Variants in TRIM49C observed in about 807,000 individuals in gnomAD.
The protein encoded by TRIM49C is tripartite motif containing 49C.
In TRIM49C, 6 loss-of-function variants were observed where a neutral mutation model predicts 21.4. That is an observed-to-expected ratio of 0.28 (90% CI 0.15 to 0.55). TRIM49C has a LOEUF of 0.55. Ranked by LOEUF, TRIM49C falls within the 20% of genes least tolerant of loss-of-function variation. The probability of loss-of-function intolerance (pLI) is 0.94; values close to 1 mark genes in which losing one functional copy is unlikely to be tolerated. For synonymous variants in TRIM49C, 57 were observed against 148.1 expected (o/e 0.38, Z 4.47); for missense variants, 161 against 442.4 (o/e 0.36, Z 5.71).
rs1950767721 is a variant in TRIM49C at position 90,041,242 on chromosome 11, T to A, written c.1051T>A (p.Trp351Arg). ...YYWEVHVGDS[W>R]NWAFGVCNMY... Reference sequence around the variant, plus strand: ...CTGGGAGGTCCATGTAGGGGACTCCTGGAATTGGGCTTTTGGTGTCTGTAA... The same window carrying A: ...CTGGGAGGTCCATGTAGGGGACTCCAGGAATTGGGCTTTTGGTGTCTGTAA... The change falls in exon 8 of 8, where the codon TGG (tryptophan) becomes AGG (arginine). Residue 351 changes from tryptophan (W) to arginine (R), a missense_variant. Coordinates refer to ENST00000448984, the MANE Select transcript of TRIM49C (RefSeq NM_001195234.1). 1.3e-6 allele frequency: 2 copies of A among 1,583,410 alleles called. No individual in the cohort carries two copies. The highest frequency in any genetic ancestry group is 1.7e-5 in the Admixed American group (1 of 58,548).
chr11:90,039,254 G>C lies in TRIM49C; in HGVS notation c.761+539G>C, dbSNP rs1157238411. ...TTTTATTGCTTGAAAGCCTGCACAG[G>C]AGAAAGATAAGAGTTTTGTTTTGTG... On this transcript the variant is annotated intron_variant, in intron 6 of 7. Transcript: ENST00000448984. 2.3e-5 allele frequency among the ~76,000 whole-genome samples: 3 copies of C among 128,012 alleles called. 1 individual carries two copies. In the East Asian group the frequency reaches 7.3e-4, roughly 31 times the overall value. The allele number at this position is 128,012 out of a possible 152,430, so 84.0% of individuals were successfully genotyped here.
the TRIM49C span, among the ~76,000 whole-genome samples, chr11:90,059,933 C>A: frequency 7.0e-6 from 1 of 142,666 alleles, no homozygotes; most frequent in Non-Finnish European, 1.5e-5. Flanking sequence ...CCTCCCACCC[C>A]TCTAGAGTAG....
the TRIM49C span, among the ~76,000 whole-genome samples, chr11:90,063,393 GC>G: frequency 8.1e-6 from 1 of 123,364 alleles, no homozygotes; most frequent in African/African-American, 3.2e-5. Context: ...TTTAGGAACA[GC>G]AAGAAGATTA....
chr11:90,046,569 T>G (rs1950802952), downstream of TRIM49C, among the ~76,000 whole-genome samples: 1 of 122,378 alleles, frequency 8.2e-6, no homozygotes, highest in African/African-American at 3.3e-5. Flanking sequence ...GTGTTTATAG[T>G]ATTCACTGAT....
chr11:90,062,299 T>G, the TRIM49C span, among the ~76,000 whole-genome samples: 32 of 98,346 alleles, frequency 3.3e-4, no homozygotes, highest in African/African-American at 6.3e-4. Flanking sequence ...CTGGCTTTTA[T>G]ATAACCTGAC....
the TRIM49C span, chr11:90,071,802 G>A: frequency 4.9e-6 from 5 of 1,029,088 alleles, no homozygotes; most frequent in Non-Finnish European, 7.1e-6. Context: ...AGGTGAGTGT[G>A]GCCCTCTTGG....
the TRIM49C span, among the ~76,000 whole-genome samples, chr11:90,049,283 G>C: frequency 2.0e-5 from 2 of 101,420 alleles, no homozygotes; most frequent in African/African-American, 8.3e-5. Context: ...TCTCTTCAAA[G>C]CTGTCAGACA....
At chr11:90,039,538 A>G (rs1328980537) in intron 6 of TRIM49C, among the ~76,000 whole-genome samples, 2 of 132,056 alleles carry the variant, frequency 1.5e-5, no homozygotes, top group African/African-American at 2.7e-5. Context: ...AAACCCCGCT[A>G]TTTCAGACAA....
chr11:90,054,158 TTA>T, the TRIM49C span, among the ~76,000 whole-genome samples: 1 of 134,642 alleles, frequency 7.4e-6, no homozygotes, highest in Non-Finnish European at 1.6e-5. Context: ...TTAGAACACT[TTA>T]TGTTTTGAGA....
the TRIM49C span, chr11:90,053,803 T>A: frequency 7.1e-6 from 1 of 140,222 alleles, no homozygotes; most frequent in Admixed American, 7.6e-5. Flanking sequence ...GGTCCCTGCT[T>A]CTCACTACTG....
chr11:90,033,981 G>C (rs1259022057), intron 2 of TRIM49C, among the ~76,000 whole-genome samples: 2 of 130,256 alleles, frequency 1.5e-5, no homozygotes, highest in African/African-American at 5.7e-5. Context: ...AAAAACACCT[G>C]ACATATTTCT....
At chr11:90,036,731 A>G (rs1950730033) in intron 4 of TRIM49C, among the ~76,000 whole-genome samples, 1 of 138,652 alleles carries the variant, frequency 7.2e-6, no homozygotes, top group Non-Finnish European at 1.6e-5. Context: ...TAGAAAATAT[A>G]CTAGTAAAGA....
At chr11:90,043,164 C>G (rs1023802162), downstream of TRIM49C, among the ~76,000 whole-genome samples, 1 of 144,164 alleles carries the variant, frequency 6.9e-6, no homozygotes, top group Non-Finnish European at 1.5e-5. Context: ...GTGGCACACA[C>G]CTCCAATCCC....
At position 90,035,262 on chromosome 11, in the gene TRIM49C, G is replaced by A. The variant is rs200570055; in HGVS notation, c.51G>A (p.Leu17=). The change falls in exon 3 of 8, where the codon CTG becomes CTA. Residue 17 remains leucine (L), a synonymous_variant. Coordinates refer to ENST00000448984, the MANE Select transcript of TRIM49C (RefSeq NM_001195234.1). ...QVFQGELICP[L]CMNYFIDPVT... ...TTCAGGGGGAACTCATCTGCCCCCT[G>A]TGCATGAACTACTTCATAGACCCGG... The A allele has an allele frequency of 1.9e-6, 3 of 1,580,156 alleles. No individual in the cohort carries two copies. The highest frequency in any genetic ancestry group is 1.4e-5 in the African/African-American group (1 of 71,964).
the TRIM49C span, among the ~76,000 whole-genome samples, chr11:90,054,450 AG>A: frequency 7.3e-6 from 1 of 137,364 alleles, no homozygotes; most frequent in Non-Finnish European, 1.6e-5. Flanking sequence ...ACTGAGGCAG[AG>A]TCTCACTCAG....
the TRIM49C span, chr11:90,062,864 T>C: frequency 2.3e-5 from 32 of 1,404,906 alleles, 4 homozygotes; most frequent in African/African-American, 5.6e-4. Context: ...GTGCTCTGCC[T>C]TCTTCTGAGC....
At chr11:90,032,033 G>C (rs1322841404) in intron 1 of TRIM49C, among the ~76,000 whole-genome samples, 2 of 136,688 alleles carry the variant, frequency 1.5e-5, no homozygotes, top group Non-Finnish European at 3.2e-5. Flanking sequence ...TACTTGGAAG[G>C]CTGAAGCAGG....
chr11:90,041,379 A>G lies in TRIM49C; in HGVS notation c.1188A>G (p.Pro396=). ...DIQCSLFTTS[P]LMLQYIPKPT... ...AATGCAGTCTCTTTACCACCTCCCCACTTATGCTGCAATATATCCCAAAAC... is the reference window on the plus strand; with the variant it reads ...AATGCAGTCTCTTTACCACCTCCCCGCTTATGCTGCAATATATCCCAAAAC... The change falls in exon 8 of 8, where the codon CCA becomes CCG. Residue 396 remains proline (P), a synonymous_variant. Transcript: ENST00000448984. The G allele has an allele frequency of 4.4e-6, 7 of 1,587,808 alleles. No homozygotes were observed. The highest frequency in any genetic ancestry group is 6.0e-6 in the Non-Finnish European group (7 of 1,164,130).
chr11:90,036,903 C>A (rs1327500679), intron 4 of TRIM49C, among the ~76,000 whole-genome samples: 1 of 135,300 alleles, frequency 7.4e-6, no homozygotes, highest in Non-Finnish European at 1.6e-5. Context: ...AGGCCAGAAA[C>A]TGGAGATTAG....
Sources: gnomAD v4.1 joint callset for allele counts (sites outside exome capture counted in the v4.1 genomes callset) on GRCh38, gnomAD v4.1.1 for gene constraint, MANE v1.5 for transcripts, NCBI Gene and HGNC (gene_info 2026-07-23, HGNC 2026-07-21) for gene names.